The following BCL7A variants were observed in gnomAD, a reference collection of about 807,000 sequenced individuals.
The protein encoded by BCL7A is B-cell CLL/lymphoma 7 protein family member A.
A neutral mutation model predicts 28.4 loss-of-function variants in BCL7A; 11 were observed. The observed-to-expected ratio is 0.39, with a 90% CI of 0.24 to 0.64. BCL7A has a LOEUF of 0.64. Among genes scored for constraint, BCL7A ranks in the 30% least tolerant of loss-of-function variants. BCL7A has a pLI of 0.50. For synonymous variants in BCL7A, 123 were observed against 103.3 expected (o/e 1.19, Z -1.15); for missense variants, 222 against 274.8 (o/e 0.81, Z 1.36).
intron 4 of BCL7A, among the ~76,000 whole-genome samples, chr12:122,048,836 A>G (rs1179131350): frequency 6.6e-6 from 1 of 151,920 alleles, no homozygotes; most frequent in Non-Finnish European, 1.5e-5. Context: ...CCTGCCCAGC[A>G]TGGCAAAACA....
At chr12:122,047,588 A>G in intron 4 of BCL7A, among the ~76,000 whole-genome samples, 1 of 151,492 alleles carries the variant, frequency 6.6e-6, no homozygotes, top group Non-Finnish European at 1.5e-5. Flanking sequence ...GCAGTGGTAC[A>G]ATCTCCGCTC....
intron 3 of BCL7A, among the ~76,000 whole-genome samples, chr12:122,039,759 A>T (rs1485162208): frequency 1.3e-5 from 2 of 151,560 alleles, no homozygotes; most frequent in East Asian, 3.9e-4. Context: ...AGGCTGAGGC[A>T]GGAGAATCAC....
intron 1 of BCL7A, 106 bp from the exon 2 acceptor site, chr12:122,030,594 C>A: frequency 9.4e-7 from 1 of 1,060,144 alleles, no homozygotes; most frequent in Non-Finnish European, 1.5e-6. Flanking sequence ...GGATTCCAAC[C>A]CTCATCTGTG....
rs1951916030 is a variant in BCL7A at position 122,060,950 on chromosome 12, G to T, written c.*1787G>T. The stretch of plus-strand genomic sequence containing the variant: ...AATGTTGAAGTTAGCAATGCCGAAA[G>T]GTTTCTGTCTTAAAAAAAAAAATCC... On this transcript the variant is annotated 3_prime_UTR_variant, in exon 6 of 6. Transcript: ENST00000261822. 4.4e-6 allele frequency: 1 copy of T among 226,026 alleles called. No individual in the cohort carries two copies. The highest frequency in any genetic ancestry group is 8.8e-6 in the Non-Finnish European group (1 of 113,634). The allele number at this position is 226,026 out of a possible 1,614,324, so 14.0% of individuals were successfully genotyped here. A position where few individuals can be genotyped will look rare whatever the true frequency, so the allele number is the denominator to read the frequency against.
In BCL7A at chr12:122,030,688, C is replaced by T. The variant is rs374427669; in HGVS notation, c.93-12C>T. The T allele has an allele frequency of 6.2e-6, 10 of 1,612,578 alleles. No homozygotes were observed. Among genetic ancestry groups the T allele is most frequent in the Admixed American group, 3.3e-5 (2 of 59,992 alleles). ...GAGTCCCCGGTAACAGGCTCTTCCT[C>T]ATCCTCCTCAGGGAGAAGAAATGGG... On this transcript the variant is annotated splice_polypyrimidine_tract_variant and intron_variant, in intron 1 of 5. Transcript: ENST00000261822.
At chr12:122,055,066 G>T (rs2135860919) in intron 5 of BCL7A, 140 bp downstream of exon 5, 1 of 1,535,552 alleles carries the variant, frequency 6.5e-7, no homozygotes, top group South Asian at 1.2e-5. Flanking sequence ...TGTCCATTGG[G>T]CTATGTCCAT....
chr12:122,043,794 G>A, intron 3 of BCL7A, 92 bp from the exon 4 acceptor site: 7 of 1,352,020 alleles, frequency 5.2e-6, no homozygotes, highest in Non-Finnish European at 6.9e-6. Context: ...GGGGTTCCGG[G>A]CATTGAGGCA....
intron 4 of BCL7A, among the ~76,000 whole-genome samples, chr12:122,049,017 TAA>T (rs60471036): frequency 0.27 from 23,913 of 89,434 alleles, 3,204 homozygotes; most frequent in Non-Finnish European, 0.28. Context: ...GTGAAACGTG[TAA>T]AAAAAAAAAA....
intron 1 of BCL7A, among the ~76,000 whole-genome samples, chr12:122,025,311 C>G: frequency 6.7e-6 from 1 of 148,346 alleles, no homozygotes; most frequent in East Asian, 2.0e-4. Flanking sequence ...CAGCCTGGGT[C>G]TCAAACCAAA....
intron 1 of BCL7A, among the ~76,000 whole-genome samples, chr12:122,025,050 A>G (rs1306410737): frequency 6.6e-6 from 1 of 151,524 alleles, no homozygotes; most frequent in Non-Finnish European, 1.5e-5. Flanking sequence ...TCAGCAAGGC[A>G]GGCCAGTGGA....
chr12:122,027,013 GT>G (rs2135839271), intron 1 of BCL7A, among the ~76,000 whole-genome samples: 1 of 152,348 alleles, frequency 6.6e-6, no homozygotes, highest in African/African-American at 2.4e-5. Flanking sequence ...AGGGAAAGGT[GT>G]TGAAGTCAGG....
At position 122,029,426 on chromosome 12, in the gene BCL7A, C is replaced by A. The variant is rs767953282; in HGVS notation, c.93-1274C>A. Among the ~76,000 whole-genome samples, 13 of 152,050 alleles carry A rather than the reference C, an allele frequency of 8.5e-5. No individual in the cohort carries two copies. Among genetic ancestry groups the A allele is most frequent in the Non-Finnish European group, 1.3e-4 (9 of 68,020 alleles). On this transcript the variant is annotated intron_variant, in intron 1 of 5. Coordinates refer to ENST00000261822, the MANE Select transcript of BCL7A (RefSeq NM_001024808.3). This position sits in a 1 kb window ranked among gnomAD's most constrained non-coding sequence, Gnocchi z 4.3. Reference sequence around the variant, plus strand: ...CAGCATGTGAGGGCCACATGCCCCACGAGGGGGTGATCTAAGGCTGAGTTT... The same window carrying A: ...CAGCATGTGAGGGCCACATGCCCCAAGAGGGGGTGATCTAAGGCTGAGTTT...
At chr12:122,046,676 A>C (rs1298355813) in intron 4 of BCL7A, among the ~76,000 whole-genome samples, 1 of 152,148 alleles carries the variant, frequency 6.6e-6, no homozygotes, top group Non-Finnish European at 1.5e-5. Flanking sequence ...GTGATGTCAA[A>C]ATTTAAAAAT....
In BCL7A at chr12:122,022,833, G is replaced by T. The variant is rs1220945067; in HGVS notation, c.92+650G>T. On this transcript the variant is annotated intron_variant, in intron 1 of 5. Transcript: ENST00000261822. ...CTCTCGGCGACCAGGAAAGATGGGG[G>T]CGAGCGCTGGGAGCCAGCGGCCAGG... 2.0e-5 allele frequency among the ~76,000 whole-genome samples: 3 copies of T among 151,844 alleles called. No individual in the cohort carries two copies. The East Asian group carries it at 5.9e-4, about 30-fold the overall frequency.
At chr12:122,052,647 GT>G (rs1359197539) in intron 4 of BCL7A, among the ~76,000 whole-genome samples, 1 of 151,944 alleles carries the variant, frequency 6.6e-6, no homozygotes, top group Non-Finnish European at 1.5e-5. Context: ...TCAGCATAAT[GT>G]TTTCTTTCTT....
Position 122,061,059 on chromosome 12 carries a change from G to A in BCL7A, c.*1896G>A, listed in dbSNP as rs1178378705. 5.7e-5 allele frequency: 13 copies of A among 226,826 alleles called. No homozygotes were observed. Among genetic ancestry groups the A allele is most frequent in the Middle Eastern group, 1.3e-3 (1 of 776 alleles). 14.1% of individuals were successfully genotyped at this position (226,826 alleles called of 1,614,324 possible). Reference sequence around the variant, plus strand: ...TCCTGGCGCAGAACCTACCTGATGCGGTTCCTCTCCACGCATCTCGAGGCG... The same window carrying A: ...TCCTGGCGCAGAACCTACCTGATGCAGTTCCTCTCCACGCATCTCGAGGCG... On this transcript the variant is annotated 3_prime_UTR_variant, in exon 6 of 6. Coordinates refer to ENST00000261822, the MANE Select transcript of BCL7A (RefSeq NM_001024808.3).
chr12:122,045,413 G>A (rs1350688468), intron 4 of BCL7A, among the ~76,000 whole-genome samples: 1 of 151,980 alleles, frequency 6.6e-6, no homozygotes, highest in Admixed American at 6.6e-5. Flanking sequence ...AATAATACGG[G>A]GTCAGACAGC....
Position 122,032,135 on chromosome 12 carries a change from C to T in BCL7A, c.174+1354C>T, listed in dbSNP as rs564870509. ...CCAAAAAGACAGGGGCTAAGTTTCT[C>T]GCCCCCATCTTCAGTTATCTGCCCG... On this transcript the variant is annotated intron_variant, in intron 2 of 5. Transcript: ENST00000261822. Among the ~76,000 whole-genome samples, 141 of 152,320 alleles carry T rather than the reference C, an allele frequency of 9.3e-4. 3 individuals are homozygous for T. Among genetic ancestry groups the T allele is most frequent in the South Asian group, 2.1e-3 (10 of 4,832 alleles).
At chr12:122,036,900 G>A (rs1247347038) in intron 3 of BCL7A, among the ~76,000 whole-genome samples, 1 of 152,098 alleles carries the variant, frequency 6.6e-6, no homozygotes, top group Non-Finnish European at 1.5e-5. Flanking sequence ...GTAGATACGA[G>A]GTTTCACCAT....
Sources: gnomAD v4.1 joint callset for allele counts (sites outside exome capture counted in the v4.1 genomes callset) on GRCh38, gnomAD v4.1.1 for gene constraint, Gnocchi (gnomAD v3.1) non-coding constraint, MANE v1.5 for transcripts, NCBI Gene and HGNC (gene_info 2026-07-23, HGNC 2026-07-21) for gene names.